The following SETBP1 variants were observed in gnomAD, a reference collection of about 807,000 sequenced individuals.
SETBP1 encodes the protein SET binding protein 1.
SETBP1 carries 9 observed loss-of-function variants against 101.0 expected under a neutral mutation model. That is an observed-to-expected ratio of 0.09 (90% confidence interval 0.05 to 0.16). SETBP1 has a LOEUF of 0.16. Ranked by LOEUF, SETBP1 falls within the 10% of genes least tolerant of loss-of-function variation. SETBP1 has a pLI of 1.00. For missense variants in SETBP1, 1,858 were observed against 2,033.8 expected, an observed-to-expected ratio of 0.91 and a Z score of 1.66; for synonymous variants, 818 against 788.5, an observed-to-expected ratio of 1.04 and a Z score of -0.63.
intron 2 of SETBP1, among the ~76,000 whole-genome samples, chr18:44,770,634 T>A (rs1371705223): frequency 1.3e-5 from 2 of 152,210 alleles, no homozygotes; most frequent in African/African-American, 4.8e-5. Flanking sequence ...TTTTTCAGCC[T>A]TAATTGTTCA....
intron 4 of SETBP1, among the ~76,000 whole-genome samples, chr18:44,967,138 A>G (rs559573730): frequency 5.7e-4 from 87 of 152,368 alleles, no homozygotes; most frequent in Non-Finnish European, 8.2e-4. Context: ...AAAGGCAGAA[A>G]TTAGCTGGAC....
intron 4 of SETBP1, among the ~76,000 whole-genome samples, chr18:44,994,274 T>A (rs999332031): frequency 6.6e-6 from 1 of 152,094 alleles, no homozygotes; most frequent in Non-Finnish European, 1.5e-5. Context: ...AGGAAAATTA[T>A]AATCAGATTA....
At chr18:44,866,717 C>T (rs538151036) in intron 2 of SETBP1, among the ~76,000 whole-genome samples, 5 of 152,314 alleles carry the variant, frequency 3.3e-5, no homozygotes, top group South Asian at 2.1e-4. Context: ...CTCTCATGCC[C>T]GTACCTCATC....
chr18:44,959,446 C>T (rs1325875061), intron 4 of SETBP1, among the ~76,000 whole-genome samples: 1 of 152,178 alleles, frequency 6.6e-6, no homozygotes, highest in Admixed American at 6.5e-5. Context: ...AAGGACAAGA[C>T]AACATTTTTT....
chr18:45,029,579 T>C (rs530633094), intron 4 of SETBP1, among the ~76,000 whole-genome samples: 97 of 152,322 alleles, frequency 6.4e-4, no homozygotes, highest in African/African-American at 2.2e-3. Context: ...GGGGATGGCA[T>C]TGAATCTATA....
chr18:44,861,633 G>A (rs2069015706), intron 2 of SETBP1, among the ~76,000 whole-genome samples: 1 of 152,112 alleles, frequency 6.6e-6, no homozygotes, highest in Non-Finnish European at 1.5e-5. Context: ...ACATGAGTTA[G>A]CCAAGCCAGG....
intron 2 of SETBP1, among the ~76,000 whole-genome samples, chr18:44,804,703 C>T (rs114420741): frequency 6.8e-4 from 104 of 152,188 alleles, no homozygotes; most frequent in African/African-American, 2.5e-3. Context: ...CAACTTGCCC[C>T]AAGCACACAA....
At chr18:44,825,281 C>T (rs944386109) in intron 2 of SETBP1, among the ~76,000 whole-genome samples, 1 of 152,194 alleles carries the variant, frequency 6.6e-6, no homozygotes, top group Non-Finnish European at 1.5e-5. Flanking sequence ...TACCTGGCTC[C>T]TTCAAGGCTC....
chr18:44,782,869 AC>A (rs1215568410), intron 2 of SETBP1, among the ~76,000 whole-genome samples: 1 of 152,130 alleles, frequency 6.6e-6, no homozygotes, highest in Non-Finnish European at 1.5e-5. Context: ...ATTATATCTT[AC>A]CACTGGGAAG....
At chr18:44,761,413 G>T (rs769470660) in intron 2 of SETBP1, among the ~76,000 whole-genome samples, 1 of 151,984 alleles carries the variant, frequency 6.6e-6, no homozygotes, top group African/African-American at 2.4e-5. Flanking sequence ...AACCTTTACT[G>T]GTCCCCTCTC....
intron 2 of SETBP1, among the ~76,000 whole-genome samples, chr18:44,808,643 A>T (rs1302446075): frequency 6.6e-6 from 1 of 152,188 alleles, no homozygotes; most frequent in Non-Finnish European, 1.5e-5. Flanking sequence ...GGTGAGCTGC[A>T]GGAGGAACCA....
intron 2 of SETBP1, among the ~76,000 whole-genome samples, chr18:44,844,834 A>G (rs2072692978): frequency 6.6e-6 from 1 of 152,156 alleles, no homozygotes; most frequent in South Asian, 2.1e-4. Context: ...CAAGGCACAC[A>G]CAAGCTTCCT....
chr18:44,940,861 T>C (rs2071072745), intron 3 of SETBP1, among the ~76,000 whole-genome samples: 1 of 152,292 alleles, frequency 6.6e-6, no homozygotes, highest in East Asian at 1.9e-4. Context: ...CATTTCCTTT[T>C]GGCCTAAAGA....
At chr18:45,021,396 C>T (rs1173788430) in intron 4 of SETBP1, among the ~76,000 whole-genome samples, 1 of 152,204 alleles carries the variant, frequency 6.6e-6, no homozygotes, top group Non-Finnish European at 1.5e-5. Flanking sequence ...CTCCCCAACT[C>T]GCTCTCCTGG....
At chr18:44,726,709 T>C (rs2069714940) in intron 2 of SETBP1, among the ~76,000 whole-genome samples, 2 of 152,360 alleles carry the variant, frequency 1.3e-5, no homozygotes, top group African/African-American at 4.8e-5. Context: ...TTATTAAATA[T>C]GTAAAGTACA....
At chr18:44,792,462 GGGAGCAAAC>G (rs1478009729) in intron 2 of SETBP1, among the ~76,000 whole-genome samples, 1 of 152,070 alleles carries the variant, frequency 6.6e-6, no homozygotes, top group Non-Finnish European at 1.5e-5. Context: ...CCACCATTCA[GGGAGCAAAC>G]TGTGCACCCA....
At chr18:44,886,104 G>A (rs1019317879) in intron 3 of SETBP1, among the ~76,000 whole-genome samples, 1 of 152,080 alleles carries the variant, frequency 6.6e-6, no homozygotes, top group South Asian at 2.1e-4. Context: ...ACATGACCAT[G>A]TCCCAAAGTA....
At chr18:44,783,625 A>C (rs1316962675) in intron 2 of SETBP1, among the ~76,000 whole-genome samples, 1 of 152,184 alleles carries the variant, frequency 6.6e-6, no homozygotes, top group African/African-American at 2.4e-5. Flanking sequence ...AAGGGTAATG[A>C]TATTTGTTTT....
intron 2 of SETBP1, among the ~76,000 whole-genome samples, chr18:44,714,963 C>T (rs191972221): frequency 6.6e-6 from 1 of 152,140 alleles, no homozygotes; most frequent in Admixed American, 6.5e-5. Context: ...GTTATTTCTC[C>T]CTGTTTTATA....
Sources: gnomAD v4.1 joint callset for allele counts (sites outside exome capture counted in the v4.1 genomes callset) on GRCh38, gnomAD v4.1.1 for gene constraint, MANE v1.5 for transcripts, NCBI Gene and HGNC (gene_info 2026-07-23, HGNC 2026-07-21) for gene names.